Variants in ZNF496 observed in about 807,000 individuals in gnomAD.
The protein encoded by ZNF496 is zinc finger protein 496, also known as NSD1 (nuclear receptor binding SET-domain containing 1)-interacting zinc finger protein 1.
A neutral mutation model predicts 58.9 loss-of-function variants in ZNF496; 11 were observed. That is an observed-to-expected ratio of 0.19 (90% CI 0.12 to 0.31). The LOEUF (loss-of-function observed/expected upper bound fraction) is 0.31. Ranked by LOEUF, ZNF496 falls within the 10% of genes least tolerant of loss-of-function variation. ZNF496 has a pLI of 1.00. For missense variants in ZNF496, 660 were observed against 783.0 expected, an observed-to-expected ratio of 0.84 and a Z score of 1.88; for synonymous variants, 338 against 318.2, an observed-to-expected ratio of 1.06 and a Z score of -0.66.
At chr1:247,313,952 C>T (rs1055986866) in intron 6 of ZNF496, 2 of 152,200 alleles carry the variant, frequency 1.3e-5, no homozygotes, top group Non-Finnish European at 2.9e-5. Context: ...AGCTGCTTCT[C>T]AAGAGGTTCC....
At chr1:247,307,194 A>T in intron 9 of ZNF496, 1 of 985,410 alleles carries the variant, frequency 1.0e-6, no homozygotes, top group Non-Finnish European at 1.2e-6. Flanking sequence ...ATCACCAGCT[A>T]TCCGGCATCA....
At chr1:247,313,721 G>C (rs1237988076) in intron 6 of ZNF496, 1 of 152,158 alleles carries the variant, frequency 6.6e-6, no homozygotes, top group Non-Finnish European at 1.5e-5. Flanking sequence ...CTGAAGCATT[G>C]ATCTAATAAA....
In ZNF496 at chr1:247,297,422, A is replaced by G. The variant is rs1659120140; in HGVS notation, c.*3097T>C. 1 of 152,188 alleles carries G rather than the reference A, an allele frequency of 6.6e-6. No homozygotes were observed. 9.4% of individuals were successfully genotyped at this position (152,188 alleles called of 1,614,324 possible). On this transcript the variant is annotated 3_prime_UTR_variant, in exon 10 of 10. Transcript: ENST00000682384. Reference sequence around the variant, plus strand: ...AAAAGCCTAACAGGAATATTGACTCAGCAAGTTTTTATTATGCACCTGTGG... The same window carrying G: ...AAAAGCCTAACAGGAATATTGACTCGGCAAGTTTTTATTATGCACCTGTGG...
intron 9 of ZNF496, among the ~76,000 whole-genome samples, chr1:247,301,620 T>G (rs1203274921): frequency 6.6e-6 from 1 of 152,188 alleles, no homozygotes; most frequent in Non-Finnish European, 1.5e-5. Context: ...GGGTAAAGCC[T>G]TGACCATTTA....
chr1:247,300,770 C>T lies in ZNF496; in HGVS notation c.1513G>A (p.Ala505Thr), dbSNP rs751457022. Residue 505 changes from alanine to threonine, a missense_variant, in exon 10 of 10, where the codon GCG (alanine) becomes ACG (threonine). Physicochemically the swap from Ala to Thr is moderately conservative, Grantham distance 58. Coordinates refer to ENST00000682384, the MANE Select transcript of ZNF496 (RefSeq NM_032752.3). This position sits in a 1 kb window ranked among gnomAD's most constrained non-coding sequence, Gnocchi z 5.7. ...AGCGGCTCTTTGGGACCCTTGTCCG[C>T]GTCCTCGGATGCCGCCTGCTCTCTC... ...EKREQAASED[A>T]DKGPKEPLEN... 8 of 1,604,516 alleles carry T rather than the reference C, an allele frequency of 5.0e-6. No homozygotes were observed. The highest frequency in any genetic ancestry group is 2.2e-5 in the South Asian group (2 of 90,378).
chr1:247,329,728 C>T lies in ZNF496; in HGVS notation c.-37-113G>A, dbSNP rs949188133. 3.8e-6 allele frequency: 4 copies of T among 1,052,602 alleles called. No homozygotes were observed. The highest frequency in any genetic ancestry group is 5.4e-6 in the Non-Finnish European group (4 of 745,284). 65.2% of individuals were successfully genotyped at this position (1,052,602 alleles called of 1,614,324 possible). ...CTCAGAGACCAGCCCTTTGGAGAAG[C>T]CCTGGGAAAGGTAGGGAGTGTTGGT... On this transcript the variant is annotated intron_variant, in intron 3 of 9. Coordinates refer to ENST00000682384, the MANE Select transcript of ZNF496 (RefSeq NM_032752.3). The surrounding 1 kb of genome is among the most constrained non-coding windows in gnomAD (Gnocchi z 5.5).
intron 9 of ZNF496, among the ~76,000 whole-genome samples, chr1:247,304,537 A>G (rs1659347786): frequency 6.6e-6 from 1 of 151,878 alleles, no homozygotes; most frequent in Admixed American, 6.6e-5. Context: ...ACGTCTGGCT[A>G]ATTTTTGTAT....
chr1:247,300,476 G>T lies in ZNF496; in HGVS notation c.*43C>A. 1 of 1,560,762 alleles carries T rather than the reference G, an allele frequency of 6.4e-7. No individual in the cohort carries two copies. Among genetic ancestry groups the T allele is most frequent in the Non-Finnish European group, 8.7e-7 (1 of 1,152,192 alleles). ...GGGCGCTGATCAGTACCAAGGTGAG[G>T]GGGCAGCACCAGCCAGGGTGAGGCC... On this transcript the variant is annotated 3_prime_UTR_variant, in exon 10 of 10. Transcript: ENST00000682384. This position sits in a 1 kb window ranked among gnomAD's most constrained non-coding sequence, Gnocchi z 5.7.
chr1:247,305,506 T>C (rs543265250), intron 9 of ZNF496, among the ~76,000 whole-genome samples: 11 of 152,312 alleles, frequency 7.2e-5, no homozygotes, highest in African/African-American at 2.6e-4. Flanking sequence ...AAGTGCTTGT[T>C]GCAGGCGGAG....
Position 247,329,433 on chromosome 1 carries a change from C to T in ZNF496, c.146G>A (p.Arg49His), listed in dbSNP as rs756483173. The T allele has an allele frequency of 1.7e-5, 27 of 1,612,958 alleles. No homozygotes were observed. Among genetic ancestry groups the T allele is most frequent in the African/African-American group, 2.7e-5 (2 of 74,918 alleles). ...ESSRRLFRRF[R>H]YQEAAGPREA... is the part of the protein sequence containing the mutation. Reference sequence around the variant, plus strand: ...CCGGGGGCCCGCCGCCTCCTGGTAGCGGAAACGGCGGAAGAGACGCCGAGA... The same window carrying T: ...CCGGGGGCCCGCCGCCTCCTGGTAGTGGAAACGGCGGAAGAGACGCCGAGA... Residue 49 changes from arginine (R) to histidine (H), a missense_variant, in exon 4 of 10, where the codon CGC becomes CAC. Coordinates refer to ENST00000682384, the MANE Select transcript of ZNF496 (RefSeq NM_032752.3). The surrounding 1 kb of genome is among the most constrained non-coding windows in gnomAD (Gnocchi z 5.5).
intron 6 of ZNF496, chr1:247,312,368 C>T (rs1659628172): frequency 4.6e-5 from 7 of 152,190 alleles, no homozygotes; most frequent in Admixed American, 4.6e-4. Context: ...TCTGGGACCT[C>T]ATAAGAATAG....
rs973725623 is a variant in ZNF496, at chr1:247,299,818, C to T, written c.*701G>A. The T allele has an allele frequency of 6.6e-6, 1 of 152,198 alleles. No homozygotes were observed. Among genetic ancestry groups the T allele is most frequent in the Non-Finnish European group, 1.5e-5 (1 of 68,064 alleles). 9.4% of individuals were successfully genotyped at this position (152,198 alleles called of 1,614,324 possible). On this transcript the variant is annotated 3_prime_UTR_variant, in exon 10 of 10. Coordinates refer to ENST00000682384, the MANE Select transcript of ZNF496 (RefSeq NM_032752.3). The stretch of plus-strand genomic sequence containing the variant: ...CTCCAGATCCCTAGTGATTGGCCCC[C>T]AGGAAAATCAACAGGTATGACGACT...
rs757213090 is a variant in ZNF496, at chr1:247,329,543, C to A, written c.36G>T (p.Pro12=). 2 of 1,571,484 alleles carry A rather than the reference C, an allele frequency of 1.3e-6. No individual in the cohort carries two copies. The highest frequency in any genetic ancestry group is 4.1e-5 in the Admixed American group (2 of 48,322). The change falls in exon 4 of 10, where the codon CCG becomes CCT. Residue 12 remains proline (P), a synonymous_variant. Transcript: ENST00000682384. This position sits in a 1 kb window ranked among gnomAD's most constrained non-coding sequence, Gnocchi z 5.5. Reference sequence around the variant, plus strand: ...TTTTCCTGGGCTCCTCACTTTCCTTCGGAGCCAAGACTCGGGGGCACAGGG... The same window carrying A: ...TTTTCCTGGGCTCCTCACTTTCCTTAGGAGCCAAGACTCGGGGGCACAGGG... ...PTALCPRVLA[P]KESEEPRKMR...
At chr1:247,326,535 C>T (rs1660133309) in intron 5 of ZNF496, among the ~76,000 whole-genome samples, 1 of 152,136 alleles carries the variant, frequency 6.6e-6, no homozygotes, top group Non-Finnish European at 1.5e-5. Context: ...GCATGCCTTC[C>T]CAGACCCCAC....
chr1:247,314,339 G>A (rs1216429158), intron 6 of ZNF496, among the ~76,000 whole-genome samples: 1 of 149,382 alleles, frequency 6.7e-6, no homozygotes, highest in East Asian at 1.9e-4. Flanking sequence ...TTACCAGTAT[G>A]AGCCATGGTG....
intron 6 of ZNF496, chr1:247,311,286 G>C (rs553648517): frequency 1.3e-5 from 2 of 152,330 alleles, no homozygotes; most frequent in South Asian, 2.1e-4. Context: ...TATAATCCCA[G>C]CTACTTGGGA....
At chr1:247,307,980 C>T in intron 9 of ZNF496, 1 of 985,418 alleles carries the variant, frequency 1.0e-6, no homozygotes, top group Non-Finnish European at 1.2e-6. Context: ...GAAACCTGCT[C>T]TTTAATCCCA....
intron 9 of ZNF496, among the ~76,000 whole-genome samples, chr1:247,303,550 T>C (rs1428818742): frequency 4.6e-5 from 7 of 152,074 alleles, no homozygotes; most frequent in African/African-American, 1.4e-4. Flanking sequence ...TTATAGGAAA[T>C]TGGAGAAAAG....
chr1:247,327,768 C>A (rs200283600), intron 5 of ZNF496, among the ~76,000 whole-genome samples: 1,952 of 78,808 alleles, frequency 0.025, 18 homozygotes, highest in Middle Eastern at 0.052. Flanking sequence ...TCCATTGTAC[C>A]TATAGAGCAC....
Sources: allele counts gnomAD v4.1 joint callset (sites outside exome capture counted in the v4.1 genomes callset), GRCh38; gene constraint gnomAD v4.1.1; non-coding constraint Gnocchi (gnomAD v3.1); transcripts MANE v1.5; gene names NCBI Gene and HGNC (gene_info 2026-07-23, HGNC 2026-07-21).